Variants in ELK3 observed in about 807,000 individuals in gnomAD.
The protein encoded by ELK3 is ETS domain-containing protein Elk-3.
Under a neutral mutation model 28.9 loss-of-function variants are expected in ELK3, and 10 were observed. That is an observed-to-expected ratio of 0.35 (90% confidence interval 0.21 to 0.59). ELK3 has a LOEUF of 0.59. Among genes scored for constraint, ELK3 ranks in the 20% least tolerant of loss-of-function variants. The pLI is 0.82. For missense variants in ELK3, 463 were observed against 517.3 expected (o/e 0.90, Z 1.02); for synonymous variants, 272 against 243.5 (o/e 1.12, Z -1.09).
At chr12:96,218,108 T>C (rs1951633231) in intron 1 of ELK3, among the ~76,000 whole-genome samples, 1 of 152,032 alleles carries the variant, frequency 6.6e-6, no homozygotes, top group Non-Finnish European at 1.5e-5. Flanking sequence ...GGGAAAGGAG[T>C]TGGGGCAAGT....
chr12:96,221,403 G>A, intron 1 of ELK3, among the ~76,000 whole-genome samples: 1 of 152,176 alleles, frequency 6.6e-6, no homozygotes, highest in East Asian at 1.9e-4. Context: ...GGGTGGCGGT[G>A]GCCGACCACT....
intron 2 of ELK3, among the ~76,000 whole-genome samples, chr12:96,235,950 C>T (rs1592682092): frequency 6.6e-6 from 1 of 152,248 alleles, no homozygotes; most frequent in African/African-American, 2.4e-5. Flanking sequence ...GCCTTAGCCT[C>T]CTGAGTAGCT....
At chr12:96,197,361 A>G (rs1319840072) in intron 1 of ELK3, among the ~76,000 whole-genome samples, 1 of 152,206 alleles carries the variant, frequency 6.6e-6, no homozygotes, top group Non-Finnish European at 1.5e-5. Context: ...AATGCACAAG[A>G]AAGAATTTTT....
intron 1 of ELK3, among the ~76,000 whole-genome samples, chr12:96,205,644 C>A (rs1453819749): frequency 3.3e-5 from 5 of 152,280 alleles, no homozygotes; most frequent in African/African-American, 7.2e-5. Flanking sequence ...ACACCCAGCT[C>A]TTCTTTTCTT....
intron 3 of ELK3, among the ~76,000 whole-genome samples, chr12:96,256,407 A>G (rs2137039782): frequency 6.6e-6 from 1 of 152,288 alleles, no homozygotes; most frequent in African/African-American, 2.4e-5. Context: ...TTATTGAGGC[A>G]GTGCCTACAC....
At chr12:96,216,934 T>C (rs570981720) in intron 1 of ELK3, among the ~76,000 whole-genome samples, 3 of 152,204 alleles carry the variant, frequency 2.0e-5, no homozygotes, top group Non-Finnish European at 1.5e-5. Context: ...CAAAAGTGCT[T>C]CACTAGCACC....
At chr12:96,249,193 G>A (rs1018924447) in intron 3 of ELK3, among the ~76,000 whole-genome samples, 1 of 152,184 alleles carries the variant, frequency 6.6e-6, no homozygotes, top group African/African-American at 2.4e-5. Flanking sequence ...TCCAGTGTCT[G>A]CCTCCAGAAT....
intron 1 of ELK3, among the ~76,000 whole-genome samples, chr12:96,215,031 A>T (rs972600730): frequency 6.6e-6 from 1 of 152,110 alleles, no homozygotes; most frequent in African/African-American, 2.4e-5. Context: ...GAAAAAAGAC[A>T]TGGGTACCTC....
intron 2 of ELK3, among the ~76,000 whole-genome samples, chr12:96,238,506 C>T (rs1440092609): frequency 2.0e-5 from 3 of 152,188 alleles, no homozygotes; most frequent in Admixed American, 6.5e-5. Flanking sequence ...TGGAGACAGC[C>T]GGGGGAGCTT....
chr12:96,215,810 A>AT (rs1180210881), intron 1 of ELK3, among the ~76,000 whole-genome samples: 1 of 151,584 alleles, frequency 6.6e-6, no homozygotes, highest in Non-Finnish European at 1.5e-5. Context: ...TAATTTTTGT[A>AT]TTTTTTGTAG....
chr12:96,204,771 A>C (rs894880619), intron 1 of ELK3, among the ~76,000 whole-genome samples: 1 of 152,220 alleles, frequency 6.6e-6, no homozygotes, highest in Non-Finnish European at 1.5e-5. Context: ...AAGCCAGAAA[A>C]GGAGGTGTAA....
intron 2 of ELK3, among the ~76,000 whole-genome samples, chr12:96,235,180 A>T (rs1951772672): frequency 6.7e-6 from 1 of 150,058 alleles, no homozygotes; most frequent in Non-Finnish European, 1.5e-5. Context: ...CCCCAACCCA[A>T]CTGCCTTCCC....
At chr12:96,233,140 C>T (rs1951755500) in intron 2 of ELK3, among the ~76,000 whole-genome samples, 1 of 152,150 alleles carries the variant, frequency 6.6e-6, no homozygotes, top group Admixed American at 6.5e-5. Flanking sequence ...CGAGTTGGCC[C>T]TATCACACCT....
At chr12:96,208,138 G>A (rs1469547523) in intron 1 of ELK3, among the ~76,000 whole-genome samples, 8 of 151,978 alleles carry the variant, frequency 5.3e-5, no homozygotes, top group African/African-American at 1.7e-4. Flanking sequence ...TGTAACCTCC[G>A]CCTCCCAGCT....
At chr12:96,228,778 A>G (rs550291741) in intron 2 of ELK3, among the ~76,000 whole-genome samples, 1 of 152,310 alleles carries the variant, frequency 6.6e-6, no homozygotes, top group East Asian at 1.9e-4. Flanking sequence ...GGAGCTTTGT[A>G]TCCAGAGCCC....
chr12:96,245,377 C>T (rs1292077984), intron 2 of ELK3, among the ~76,000 whole-genome samples: 1 of 152,060 alleles, frequency 6.6e-6, no homozygotes, highest in Non-Finnish European at 1.5e-5. Flanking sequence ...TAGAATCTGT[C>T]GATCTTGGTG....
At chr12:96,249,236 G>C (rs867065288) in intron 3 of ELK3, among the ~76,000 whole-genome samples, 1 of 152,324 alleles carries the variant, frequency 6.6e-6, no homozygotes, top group Middle Eastern at 3.4e-3. Flanking sequence ...TTCCCGCTGC[G>C]AGAAGGCAGT....
intron 3 of ELK3, among the ~76,000 whole-genome samples, chr12:96,258,514 T>C (rs898328159): frequency 1.3e-5 from 2 of 152,224 alleles, no homozygotes; most frequent in Non-Finnish European, 2.9e-5. Context: ...AATAACACTT[T>C]AGCATCCAGC....
intron 3 of ELK3, 146 bp from the exon 4 acceptor site, chr12:96,259,585 C>A: frequency 1.2e-6 from 1 of 848,882 alleles, no homozygotes; most frequent in South Asian, 2.1e-5. Context: ...CACAGCCCCT[C>A]AGAATTAACG....
Sources: allele counts gnomAD v4.1 joint callset (sites outside exome capture counted in the v4.1 genomes callset), GRCh38; gene constraint gnomAD v4.1.1; transcripts MANE v1.5; gene names NCBI Gene and HGNC (gene_info 2026-07-23, HGNC 2026-07-21).